Variants in MFGE8 observed in about 807,000 individuals in gnomAD.
MFGE8 encodes lactadherin.
A neutral mutation model predicts 42.6 loss-of-function variants in MFGE8; 34 were observed. The observed-to-expected ratio is 0.80, with a 90% CI of 0.61 to 1.06. MFGE8 has a LOEUF of 1.06. Among genes scored for constraint, MFGE8 ranks in the 50% least tolerant of loss-of-function variants. The pLI, the probability that MFGE8 is intolerant of heterozygous loss-of-function variation, is 0.00. For missense variants in MFGE8, 510 were observed against 516.9 expected, an observed-to-expected ratio of 0.99 and a Z score of 0.13; for synonymous variants, 230 against 214.8, an observed-to-expected ratio of 1.07 and a Z score of -0.62.
intron 1 of MFGE8, among the ~76,000 whole-genome samples, chr15:88,911,539 G>A (rs1416138090): frequency 4.6e-5 from 7 of 152,002 alleles, no homozygotes; most frequent in East Asian, 1.9e-4. Flanking sequence ...TGGCTAACAC[G>A]GTGAAACCCC....
Position 88,907,236 on chromosome 15 carries a change from C to T in MFGE8, c.346G>A (p.Ala116Thr), listed in dbSNP as rs1165749141. The T allele has an allele frequency of 2.5e-6, 4 of 1,614,066 alleles. No homozygotes were observed. The highest frequency in any genetic ancestry group is 1.3e-5 in the African/African-American group (1 of 75,030). The change falls in exon 3 of 8, where the codon GCC becomes ACC. Residue 116 changes from alanine (A) to threonine (T), a missense_variant. Ala to Thr is a moderately conservative substitution (Grantham distance 58). Coordinates refer to ENST00000268150, the MANE Select transcript of MFGE8 (RefSeq NM_005928.4). ...ARLNRAGMVNAWTPSSNDDNP... is the reference protein window; with the variant it reads ...ARLNRAGMVNTWTPSSNDDNP... Reference sequence around the variant, plus strand: ...TCGTCATTGCTGCTGGGTGTCCAGGCATTGACCATGCCTGCGCGGTTCAGG... The same window carrying T: ...TCGTCATTGCTGCTGGGTGTCCAGGTATTGACCATGCCTGCGCGGTTCAGG...
Position 88,906,314 on chromosome 15 carries a change from C to T in MFGE8, c.540+312G>A. On this transcript the variant is annotated intron_variant, in intron 4 of 7. Coordinates refer to ENST00000268150, the MANE Select transcript of MFGE8 (RefSeq NM_005928.4). The surrounding 1 kb of genome is among the most constrained non-coding windows in gnomAD (Gnocchi z 4.2). Reference sequence around the variant, plus strand: ...AATGACATCCTTGAGCAGTGTACAACCTACACAACTGTACATGTACCCATG... The same window carrying T: ...AATGACATCCTTGAGCAGTGTACAATCTACACAACTGTACATGTACCCATG... 2.1e-6 allele frequency: 1 copy of T among 466,560 alleles called. No individual in the cohort carries two copies. The allele number at this position is 466,560 out of a possible 1,614,324, so 28.9% of individuals were successfully genotyped here.
intron 6 of MFGE8, among the ~76,000 whole-genome samples, chr15:88,901,044 CATTCACACAT>C (rs1898347655): frequency 6.6e-6 from 1 of 151,370 alleles, no homozygotes; most frequent in Non-Finnish European, 1.5e-5. Context: ...TATTCACACA[CATTCACACAT>C]ACACATTCAC....
Position 88,903,399 on chromosome 15 carries a change from C to T in MFGE8, c.686-1664G>A, listed in dbSNP as rs1295569142. On this transcript the variant is annotated intron_variant, in intron 5 of 7. Coordinates refer to ENST00000268150, the MANE Select transcript of MFGE8 (RefSeq NM_005928.4). The surrounding 1 kb of genome is among the most constrained non-coding windows in gnomAD (Gnocchi z 4.9). ...CTAGGGGAGTAATTCTCACAGATCA[C>T]CTGGGGATCTTGATATAAAAAAAAA... 6.8e-6 allele frequency: 1 copy of T among 146,418 alleles called. No individual in the cohort carries two copies. Among genetic ancestry groups the T allele is most frequent in the Non-Finnish European group, 1.5e-5 (1 of 66,904 alleles). The allele number at this position is 146,418 out of a possible 1,614,324, so 9.1% of individuals were successfully genotyped here.
chr15:88,912,898 A>G (rs1899034158), intron 1 of MFGE8: 2 of 985,230 alleles, frequency 2.0e-6, no homozygotes, highest in Admixed American at 1.2e-4. Flanking sequence ...CCCAGGTGGA[A>G]GGGGTTCGAA....
chr15:88,912,125 T>A, intron 1 of MFGE8: 2 of 1,289,738 alleles, frequency 1.6e-6, no homozygotes, highest in South Asian at 2.5e-5. Context: ...CCACGTTACC[T>A]GTGTGTAAGA....
rs1378558277 is a variant in MFGE8 at position 88,899,368 on chromosome 15, G to A, written c.*27C>T. On this transcript the variant is annotated 3_prime_UTR_variant, in exon 8 of 8. Coordinates refer to ENST00000268150, the MANE Select transcript of MFGE8 (RefSeq NM_005928.4). This position sits in a 1 kb window ranked among gnomAD's most constrained non-coding sequence, Gnocchi z 6.8. ...AGAGGCAGCGGGCCCATGGAAAGCA[G>A]GAAGACCTGGGGGTGGCAGGTGGCC... is the stretch of plus-strand genomic sequence containing the variant. The A allele has an allele frequency of 6.2e-7, 1 of 1,613,552 alleles. No homozygotes were observed. Among genetic ancestry groups the A allele is most frequent in the Non-Finnish European group, 8.5e-7 (1 of 1,179,936 alleles).
At position 88,906,884 on chromosome 15, in the gene MFGE8, C is replaced by G; in HGVS notation, c.388-106G>C. 7.2e-7 allele frequency: 1 copy of G among 1,397,998 alleles called. No homozygotes were observed. The highest frequency in any genetic ancestry group is 1.0e-6 in the Non-Finnish European group (1 of 993,812). 86.6% of individuals were successfully genotyped at this position (1,397,998 alleles called of 1,614,324 possible). A position where few individuals can be genotyped will look rare whatever the true frequency, so the allele number is the denominator to read the frequency against. ...TCCCCCACTGGGTGGGGGAACAACT[C>G]AAGCAAAACAGAGGAGGGGTAGCTG... On this transcript the variant is annotated intron_variant, in intron 3 of 7. Transcript: ENST00000268150. This position sits in a 1 kb window ranked among gnomAD's most constrained non-coding sequence, Gnocchi z 4.2.
At position 88,907,339 on chromosome 15, in the gene MFGE8, A is replaced by T; in HGVS notation, c.243T>A (p.Ile81=). ...VEPLGLENGN[I]ANSQIAASSV... ...ACGAGGCGGCGATCTGTGAGTTGGC[A>T]ATGTTCCCATTCTCCAGGCCCAGTG... The change falls in exon 3 of 8, where the codon ATT becomes ATA. Residue 81 remains isoleucine (I), a synonymous_variant. Transcript: ENST00000268150. 1 of 1,614,194 alleles carries T rather than the reference A, an allele frequency of 6.2e-7. No homozygotes were observed. Among genetic ancestry groups the T allele is most frequent in the Non-Finnish European group, 8.5e-7 (1 of 1,180,032 alleles).
intron 1 of MFGE8, chr15:88,912,848 T>C (rs987486278): frequency 1.0e-6 from 1 of 985,300 alleles, no homozygotes; most frequent in African/African-American, 1.7e-5. Flanking sequence ...AGGACAAAGT[T>C]ATCCAGACAA....
chr15:88,904,616 G>A (rs1421510772), intron 5 of MFGE8: 1 of 152,238 alleles, frequency 6.6e-6, no homozygotes, highest in African/African-American at 2.4e-5. Context: ...TCCTTTCCCA[G>A]TAGCCTACAT....
intron 2 of MFGE8, among the ~76,000 whole-genome samples, chr15:88,908,866 C>A (rs184808187): frequency 5.9e-5 from 9 of 152,300 alleles, no homozygotes; most frequent in Admixed American, 5.9e-4. Context: ...TCTCCCAGGG[C>A]CCCTGCTGCC....
In MFGE8 at chr15:88,898,840, G is replaced by A. The variant is rs115538013; in HGVS notation, c.*555C>T. 1,540 of 172,670 alleles carry A rather than the reference G, an allele frequency of 8.9e-3. 27 individuals carry two copies. Among genetic ancestry groups the A allele is most frequent in the African/African-American group, 0.034 (1,448 of 42,132 alleles). The allele number at this position is 172,670 out of a possible 1,614,324, so 10.7% of individuals were successfully genotyped here. A position where few individuals can be genotyped will look rare whatever the true frequency, so the allele number is the denominator to read the frequency against. ...GACCCGCCCCACCCCCTTCTGTGTC[G>A]CTGGGCTTCAGGACAAGGGGCAAGA... On this transcript the variant is annotated 3_prime_UTR_variant, in exon 8 of 8. Coordinates refer to ENST00000268150, the MANE Select transcript of MFGE8 (RefSeq NM_005928.4).
chr15:88,907,774 AG>A (rs1202128407), intron 2 of MFGE8, among the ~76,000 whole-genome samples: 1 of 151,814 alleles, frequency 6.6e-6, no homozygotes, highest in Admixed American at 6.6e-5. Flanking sequence ...AGTCTGGTGC[AG>A]GGGTTAGACT....
Position 88,899,577 on chromosome 15 carries a change from T to C in MFGE8, c.1027-45A>G. On this transcript the variant is annotated intron_variant, in intron 7 of 7. Coordinates refer to ENST00000268150, the MANE Select transcript of MFGE8 (RefSeq NM_005928.4). The surrounding 1 kb of genome is among the most constrained non-coding windows in gnomAD (Gnocchi z 6.8). The stretch of plus-strand genomic sequence containing the variant: ...CAGGAGGACCCCGAGCCAGCCCCCC[T>C]CCCCTCAGAGCCCCAGGCCAGACTC... The C allele has an allele frequency of 6.2e-7, 1 of 1,613,852 alleles. No homozygotes were observed.
chr15:88,901,305 T>TCA (rs796636501), intron 6 of MFGE8, among the ~76,000 whole-genome samples: 3 of 69,640 alleles, frequency 4.3e-5, no homozygotes, highest in Non-Finnish European at 7.7e-5. Flanking sequence ...ATTCACACAC[T>TCA]CACACACACA....
chr15:88,906,117 A>G lies in MFGE8; in HGVS notation c.541-216T>C, dbSNP rs1421175397. The G allele has an allele frequency of 4.9e-6, 3 of 610,486 alleles. No individual in the cohort carries two copies. The African/African-American group carries it at 5.5e-5, about 11-fold the overall frequency. The allele number at this position is 610,486 out of a possible 1,614,324, so 37.8% of individuals were successfully genotyped here. ...TCTCCTCTCACTTTCCTTAATCATC[A>G]TGGAGCCTGGGCATAAACCCCTATA... On this transcript the variant is annotated intron_variant, in intron 4 of 7. Transcript: ENST00000268150. This position sits in a 1 kb window ranked among gnomAD's most constrained non-coding sequence, Gnocchi z 4.2.
In MFGE8 at chr15:88,905,908, G is replaced by T. The variant is rs372694988; in HGVS notation, c.541-7C>A. ...TCCAGTTACCCACAAACTCCTAGCAGGGAAGGGACAAGACTGGAGAAGGGG... is the reference window on the plus strand; with the variant it reads ...TCCAGTTACCCACAAACTCCTAGCATGGAAGGGACAAGACTGGAGAAGGGG... On this transcript the variant is annotated splice_region_variant and splice_polypyrimidine_tract_variant and intron_variant, in intron 4 of 7. Transcript: ENST00000268150. The surrounding 1 kb of genome is among the most constrained non-coding windows in gnomAD (Gnocchi z 6.6). The T allele has an allele frequency of 8.4e-5, 136 of 1,614,096 alleles. No homozygotes were observed. Among genetic ancestry groups the T allele is most frequent in the Non-Finnish European group, 1.0e-4 (122 of 1,179,998 alleles).
At position 88,906,085 on chromosome 15, in the gene MFGE8, C is replaced by T; in HGVS notation, c.541-184G>A. The T allele has an allele frequency of 1.5e-6, 1 of 663,648 alleles. No homozygotes were observed. The highest frequency in any genetic ancestry group is 2.7e-5 in the East Asian group (1 of 36,488). The allele number at this position is 663,648 out of a possible 1,614,324, so 41.1% of individuals were successfully genotyped here. On this transcript the variant is annotated intron_variant, in intron 4 of 7. Transcript: ENST00000268150. This position sits in a 1 kb window ranked among gnomAD's most constrained non-coding sequence, Gnocchi z 4.2. Reference sequence around the variant, plus strand: ...CCTTTGGCCACCCCACGGCCCTCCACAAAGATTCTCCTCTCACTTTCCTTA... The same window carrying T: ...CCTTTGGCCACCCCACGGCCCTCCATAAAGATTCTCCTCTCACTTTCCTTA...
Sources: gnomAD v4.1 joint callset for allele counts (sites outside exome capture counted in the v4.1 genomes callset) on GRCh38, gnomAD v4.1.1 for gene constraint, Gnocchi (gnomAD v3.1) non-coding constraint, MANE v1.5 for transcripts, NCBI Gene and HGNC (gene_info 2026-07-23, HGNC 2026-07-21) for gene names.